ANO4: variants seen among roughly 807,000 people sequenced by gnomAD.
ANO4 encodes the protein anoctamin 4, also known as anoctamin-4.
Under a neutral mutation model 141.9 loss-of-function variants are expected in ANO4, and 69 were observed. That is an observed-to-expected ratio of 0.49 (90% CI 0.40 to 0.59). ANO4 has a LOEUF of 0.59. Ranked by LOEUF, ANO4 falls within the 20% of genes least tolerant of loss-of-function variation. The pLI is 0.00. For synonymous variants in ANO4, 350 were observed against 394.3 expected, an observed-to-expected ratio of 0.89 and a Z score of 1.33; for missense variants, 894 against 1,162.2, an observed-to-expected ratio of 0.77 and a Z score of 3.36.
rs540074418 is a variant in ANO4 at position 100,921,577 on chromosome 12, T to C, written c.56-649T>C. 8.5e-5 allele frequency among the ~76,000 whole-genome samples: 13 copies of C among 152,322 alleles called. No individual in the cohort carries two copies. The East Asian group carries it at 2.1e-3, about 25-fold the overall frequency. The stretch of plus-strand genomic sequence containing the variant: ...AAAGCTACTTTTTGATACCTTGGTT[T>C]CTTTGACTTCCTTAAATGTTCTATA... On this transcript the variant is annotated intron_variant, in intron 2 of 27. Transcript: ENST00000392977.
intron 1 of ANO4, among the ~76,000 whole-genome samples, chr12:100,806,541 T>TG (rs2035057348): frequency 5.9e-5 from 3 of 51,068 alleles, no homozygotes; most frequent in African/African-American, 9.4e-5. Flanking sequence ...TTTTTTTTTT[T>TG]TTTTTTTTTT....
chr12:100,963,476 C>G (rs1162722271), intron 5 of ANO4, among the ~76,000 whole-genome samples: 3 of 151,584 alleles, frequency 2.0e-5, no homozygotes, highest in African/African-American at 7.3e-5. Context: ...CACCAGGACA[C>G]TGTGTGTGTG....
intron 12 of ANO4, among the ~76,000 whole-genome samples, 182 bp downstream of exon 12, chr12:101,042,650 G>C (rs1302378704): frequency 6.6e-6 from 1 of 152,116 alleles, no homozygotes; most frequent in Non-Finnish European, 1.5e-5. Context: ...TTGCTGCCAT[G>C]GTCTTCAGAT....
intron 5 of ANO4, among the ~76,000 whole-genome samples, chr12:100,961,838 C>T (rs1299738355): frequency 6.6e-6 from 1 of 152,154 alleles, no homozygotes; most frequent in African/African-American, 2.4e-5. Flanking sequence ...TATAGCTCTG[C>T]TGTTTGAAGT....
intron 8 of ANO4, among the ~76,000 whole-genome samples, chr12:101,002,753 TCA>T (rs2045705910): frequency 6.6e-6 from 1 of 152,194 alleles, no homozygotes; most frequent in South Asian, 2.1e-4. Context: ...GACTATTATA[TCA>T]CAGTTACTTG....
chr12:100,857,046 C>G (rs1243786929), intron 1 of ANO4, among the ~76,000 whole-genome samples: 1 of 152,026 alleles, frequency 6.6e-6, no homozygotes, highest in Non-Finnish European at 1.5e-5. Context: ...GGTTTTGTTT[C>G]AGCAGAAGCC....
At chr12:100,951,063 G>A (rs1413105995) in intron 5 of ANO4, among the ~76,000 whole-genome samples, 1 of 152,084 alleles carries the variant, frequency 6.6e-6, no homozygotes, top group African/African-American at 2.4e-5. Flanking sequence ...CATACATGTG[G>A]CCAACAAGCA....
rs79238765 is a variant in ANO4 at position 101,102,335 on chromosome 12, T to C, written c.2149+2615T>C. Among the ~76,000 whole-genome samples the C allele has an allele frequency of 3.0e-3, 453 of 152,326 alleles. 6 individuals are homozygous for C. The East Asian group carries it at 0.044, about 15-fold the overall frequency. ...AAAACTGGGCTGTGCCAGTTTATAC[T>C]CTGGCTAATAGTAGAACAGTTCCAG... On this transcript the variant is annotated intron_variant, in intron 22 of 27. Coordinates refer to ENST00000392977, the MANE Select transcript of ANO4 (RefSeq NM_001286615.2).
chr12:100,902,610 T>C (rs1385236897), intron 2 of ANO4, among the ~76,000 whole-genome samples: 1 of 152,216 alleles, frequency 6.6e-6, no homozygotes, highest in Non-Finnish European at 1.5e-5. Flanking sequence ...AATGTCCTAG[T>C]GGATGACCAC....
chr12:100,747,673 G>C (rs1005762427), intron 3 of ANO4, among the ~76,000 whole-genome samples: 1 of 152,130 alleles, frequency 6.6e-6, no homozygotes, highest in Non-Finnish European at 1.5e-5. Context: ...AGGAGTTCGA[G>C]ATCACCTTGG....
At chr12:100,951,629 A>G (rs1169189001) in intron 5 of ANO4, among the ~76,000 whole-genome samples, 2 of 152,240 alleles carry the variant, frequency 1.3e-5, no homozygotes, top group Non-Finnish European at 2.9e-5. Context: ...TGGGAGCTGA[A>G]CGATGAGAAC....
chr12:100,778,848 C>T (rs982330057), intron 3 of ANO4, among the ~76,000 whole-genome samples: 5 of 152,116 alleles, frequency 3.3e-5, no homozygotes, highest in South Asian at 2.1e-4. Context: ...CCATTAGCAT[C>T]GTATTAAAGT....
chr12:101,021,171 C>G (rs985636097), intron 9 of ANO4, among the ~76,000 whole-genome samples: 3 of 152,140 alleles, frequency 2.0e-5, no homozygotes, highest in Non-Finnish European at 2.9e-5. Flanking sequence ...TAGAAATCTG[C>G]CCTCTGGAGT....
rs887224426 is a variant in ANO4, at chr12:100,811,878, G to A, written c.-141+16851G>A. Among the ~76,000 whole-genome samples the A allele has an allele frequency of 3.3e-5, 5 of 152,214 alleles. No individual in the cohort carries two copies. The East Asian group carries it at 5.8e-4, about 18-fold the overall frequency. On this transcript the variant is annotated intron_variant, in intron 1 of 27. Transcript: ENST00000392977. Reference sequence around the variant, plus strand: ...TAGACTCCCCTAAACCATGGTAGTCGATATAAAGCTTTTCTTCTCTTGCCC... The same window carrying A: ...TAGACTCCCCTAAACCATGGTAGTCAATATAAAGCTTTTCTTCTCTTGCCC...
chr12:101,120,562 T>C lies in ANO4; in HGVS notation c.2613T>C (p.Tyr871=). 6.2e-7 allele frequency: 1 copy of C among 1,614,148 alleles called. No homozygotes were observed. The highest frequency in any genetic ancestry group is 8.5e-7 in the Non-Finnish European group (1 of 1,180,018). The change falls in exon 26 of 28, where the codon TAT becomes TAC. Residue 871 remains tyrosine, a synonymous_variant. Coordinates refer to ENST00000392977, the MANE Select transcript of ANO4 (RefSeq NM_001286615.2). ...ACCCGCCTCATTCACTGGTGCCCTA[T>C]GGCTACACACTGCAGTTTTGGCATG... ...YRDPPHSLVP[Y]GYTLQFWHVL...
intron 1 of ANO4, among the ~76,000 whole-genome samples, chr12:100,808,093 G>T (rs2035172621): frequency 1.3e-5 from 2 of 152,122 alleles, no homozygotes; most frequent in Middle Eastern, 3.2e-3. Flanking sequence ...TAATAGGATT[G>T]CTGGGTTGAA....
At chr12:100,806,601 G>A (rs1216554538) in intron 1 of ANO4, among the ~76,000 whole-genome samples, 17 of 124,010 alleles carry the variant, frequency 1.4e-4, no homozygotes, top group African/African-American at 3.4e-4. Flanking sequence ...CTGGAGTGCC[G>A]TGGCGTGATC....
chr12:100,953,115 T>C (rs12426581), intron 5 of ANO4, among the ~76,000 whole-genome samples: 1 of 152,238 alleles, frequency 6.6e-6, no homozygotes, highest in Non-Finnish European at 1.5e-5. Flanking sequence ...AAAGCACGTT[T>C]TGCATAATCA....
At chr12:100,865,760 G>C (rs1358108810) in intron 1 of ANO4, among the ~76,000 whole-genome samples, 2 of 152,168 alleles carry the variant, frequency 1.3e-5, no homozygotes, top group Non-Finnish European at 2.9e-5. Flanking sequence ...GTATAATAAA[G>C]GGACTATTTG....
Sources: allele counts gnomAD v4.1 joint callset (sites outside exome capture counted in the v4.1 genomes callset), GRCh38; gene constraint gnomAD v4.1.1; transcripts MANE v1.5; gene names NCBI Gene and HGNC (gene_info 2026-07-23, HGNC 2026-07-21).